Variants in NDP observed in about 807,000 individuals in gnomAD.
The protein encoded by NDP is norrin.
A neutral mutation model predicts 8.4 loss-of-function variants in NDP; 2 were observed. The ratio of observed to expected loss-of-function variants is 0.24; its 90% CI spans 0.10 to 0.75. The LOEUF (loss-of-function observed/expected upper bound fraction) is 0.75. NDP is among the 30% of genes least tolerant of loss of function. The pLI is 0.73. For missense variants in NDP, 81 were observed against 110.1 expected (o/e 0.74, Z 1.18); for synonymous variants, 55 against 45.6 (o/e 1.21, Z -0.83).
In NDP at chrX:43,949,979, G is replaced by A. The variant is rs1463589562; in HGVS notation, c.222C>T (p.Arg74=). The A allele has an allele frequency of 8.3e-7, 1 of 1,208,144 alleles. No individual in the cohort carries two copies. The highest frequency in any genetic ancestry group is 1.1e-6 in the Non-Finnish European group (1 of 893,795). The change falls in exon 3 of 3, where the codon CGC becomes CGT. Residue 74 remains arginine (R), a synonymous_variant. Coordinates refer to ENST00000642620, the MANE Select transcript of NDP (RefSeq NM_000266.4). ...RCEGHCSQAS[R]SEPLVSFSTV... is the part of the protein sequence containing the mutation. ...TGCTGAACGACACCAAAGGCTCGGA[G>A]CGTGACGCCTGGCTGCAGTGCCCCT...
chrX:43,953,779 C>T (rs1164656005), intron 2 of NDP, among the ~76,000 whole-genome samples: 1 of 112,997 alleles, frequency 8.8e-6, no homozygotes, highest in Non-Finnish European at 1.9e-5. Context: ...AAACCAAAGC[C>T]CTGACCTAAA....
intron 1 of NDP, among the ~76,000 whole-genome samples, chrX:43,970,384 G>T (rs930784958): frequency 1.9e-4 from 21 of 112,304 alleles, no homozygotes; most frequent in African/African-American, 6.8e-4. Context: ...CTCGAAGGCC[G>T]CTGGCCAAGA....
intron 2 of NDP, among the ~76,000 whole-genome samples, chrX:43,951,817 A>G (rs181313258): frequency 5.4e-4 from 60 of 112,002 alleles, no homozygotes; most frequent in Admixed American, 8.5e-4. Context: ...CTTAGGGAAG[A>G]ATAAGTTGGA....
Position 43,954,894 on chromosome X carries a change from C to T in NDP, c.174+3578G>A, listed in dbSNP as rs780469973. ...TGGCCTGGGGCCAGCATCCCCCACTCCTCACCCAACTGAGACTTTCCAGGT... is the reference window on the plus strand; with the variant it reads ...TGGCCTGGGGCCAGCATCCCCCACTTCTCACCCAACTGAGACTTTCCAGGT... On this transcript the variant is annotated intron_variant, in intron 2 of 2. Coordinates refer to ENST00000642620, the MANE Select transcript of NDP (RefSeq NM_000266.4). Among the ~76,000 whole-genome samples the T allele has an allele frequency of 9.0e-5, 10 of 111,515 alleles. No individual in the cohort carries two copies. The East Asian group carries it at 2.6e-3, about 28-fold the overall frequency.
chrX:43,958,347 C>A, intron 2 of NDP, 125 bp downstream of exon 2: 1 of 839,597 alleles, frequency 1.2e-6, no homozygotes, highest in Non-Finnish European at 1.8e-6. Flanking sequence ...TCCCACAAGC[C>A]CTGTGGGCCA....
intron 1 of NDP, among the ~76,000 whole-genome samples, chrX:43,967,466 G>A: frequency 9.0e-6 from 1 of 111,059 alleles, no homozygotes; most frequent in Non-Finnish European, 1.9e-5. Flanking sequence ...TCGAGTTGAA[G>A]ATAGGGGATG....
Position 43,949,277 on chromosome X carries a change from A to G in NDP, c.*522T>C, listed in dbSNP as rs778496777. 2.2e-4 allele frequency: 27 copies of G among 124,954 alleles called. No individual in the cohort carries two copies. The South Asian group carries it at 7.3e-3, about 34-fold the overall frequency. The allele number at this position is 124,954 out of a possible 1,213,427, so 10.3% of individuals were successfully genotyped here. A position where few individuals can be genotyped will look rare whatever the true frequency, so the allele number is the denominator to read the frequency against. On this transcript the variant is annotated 3_prime_UTR_variant, in exon 3 of 3. Transcript: ENST00000642620. ...CAGTTCGCTGGCTGTGAGTAAACGTAGCTAAACATATCCACATGCTTGGTA... is the reference window on the plus strand; with the variant it reads ...CAGTTCGCTGGCTGTGAGTAAACGTGGCTAAACATATCCACATGCTTGGTA...
In NDP at chrX:43,958,817, C is replaced by T. The variant is rs1165280065; in HGVS notation, c.-172G>A. The T allele has an allele frequency of 2.1e-6, 1 of 474,748 alleles. No individual in the cohort carries two copies. The highest frequency in any genetic ancestry group is 3.0e-5 in the Admixed American group (1 of 33,513). 39.1% of individuals were successfully genotyped at this position (474,748 alleles called of 1,213,427 possible). A position where few individuals can be genotyped will look rare whatever the true frequency, so the allele number is the denominator to read the frequency against. On this transcript the variant is annotated 5_prime_UTR_variant, in exon 2 of 3. Transcript: ENST00000642620. ...TGCTGGAGTTTTGTCTTACTCTTTG[C>T]ACTTGCAATCCATCATCACAGTATC...
At chrX:43,964,494 T>A (rs764296121) in intron 1 of NDP, among the ~76,000 whole-genome samples, 1 of 111,172 alleles carries the variant, frequency 9.0e-6, no homozygotes, top group East Asian at 2.8e-4. Context: ...TGAGCCTGAC[T>A]GAAGCTTAAA....
intron 2 of NDP, among the ~76,000 whole-genome samples, chrX:43,956,222 G>A (rs1217770625): frequency 9.0e-6 from 1 of 111,727 alleles, no homozygotes; most frequent in Non-Finnish European, 1.9e-5. Flanking sequence ...CCTGAGCCTG[G>A]GTCACATTCT....
chrX:43,954,035 T>C (rs1003127915), intron 2 of NDP, among the ~76,000 whole-genome samples: 8 of 112,402 alleles, frequency 7.1e-5, no homozygotes, highest in African/African-American at 2.6e-4. Flanking sequence ...GACCCACCTG[T>C]CCCACCCTAG....
intron 2 of NDP, 195 bp from the exon 3 acceptor site, chrX:43,950,221 T>C (rs1340296196): frequency 6.6e-6 from 3 of 452,170 alleles, no homozygotes; most frequent in Non-Finnish European, 1.2e-5. Context: ...TCCTTGGAGA[T>C]AGGGACCAGG....
intron 1 of NDP, among the ~76,000 whole-genome samples, chrX:43,962,015 T>C (rs1470527187): frequency 1.8e-5 from 2 of 112,210 alleles, no homozygotes; most frequent in African/African-American, 6.5e-5. Flanking sequence ...TCATCTGGCT[T>C]TCTCTTTAGA....
chrX:43,956,566 A>T (rs1366664421), intron 2 of NDP, among the ~76,000 whole-genome samples: 1 of 111,821 alleles, frequency 8.9e-6, no homozygotes. Flanking sequence ...AAATGAAAAC[A>T]GTTTTGCTCC....
chrX:43,969,385 G>A lies in NDP; in HGVS notation c.-208+3919C>T, dbSNP rs970095396. 4.5e-5 allele frequency: 5 copies of A among 111,908 alleles called. No homozygotes were observed. In the South Asian group the frequency reaches 1.1e-3, roughly 25 times the overall value. The allele number at this position is 111,908 out of a possible 1,213,427, so 9.2% of individuals were successfully genotyped here. A position where few individuals can be genotyped will look rare whatever the true frequency, so the allele number is the denominator to read the frequency against. On this transcript the variant is annotated intron_variant, in intron 1 of 2. Transcript: ENST00000642620. Reference sequence around the variant, plus strand: ...GGAAAGGGGGCAGGGAAGGGGCCAAGGATCCAGAGGGCTTTGTTTCAAGCC... The same window carrying A: ...GGAAAGGGGGCAGGGAAGGGGCCAAAGATCCAGAGGGCTTTGTTTCAAGCC...
intron 1 of NDP, among the ~76,000 whole-genome samples, chrX:43,963,099 G>C (rs192991163): frequency 2.7e-3 from 307 of 112,083 alleles, no homozygotes; most frequent in African/African-American, 9.5e-3. Context: ...GGCACAGGAG[G>C]GTGGTGCTTC....
Position 43,949,903 on chromosome X carries a change from T to A in NDP, c.298A>T (p.Thr100Ser). Residue 100 changes from threonine (T) to serine (S), a missense_variant, in exon 3 of 3, where the codon ACT (threonine) becomes TCT (serine). By Grantham distance (58) the Thr-to-Ser change is moderately conservative. Transcript: ENST00000642620. ...AGCCGCAGTGCCTTCAGCTTGGAAG[T>A]CTGGGGCCGGCAGCAGTGACAGGAG... Reference protein sequence around the residue: ...RSSCHCCRPQTSKLKALRLRC... With the variant: ...RSSCHCCRPQSSKLKALRLRC... 1 of 1,201,568 alleles carries A rather than the reference T, an allele frequency of 8.3e-7. No homozygotes were observed. Among genetic ancestry groups the A allele is most frequent in the Non-Finnish European group, 1.1e-6 (1 of 890,586 alleles).
chrX:43,962,250 T>G (rs2147210999), intron 1 of NDP, among the ~76,000 whole-genome samples: 1 of 110,392 alleles, frequency 9.1e-6, no homozygotes, highest in Non-Finnish European at 1.9e-5. Context: ...AAGGTAAGAT[T>G]CTGAAAACAT....
At chrX:43,951,979 T>C (rs2035765982) in intron 2 of NDP, among the ~76,000 whole-genome samples, 1 of 111,765 alleles carries the variant, frequency 8.9e-6, no homozygotes, top group Non-Finnish European at 1.9e-5. Context: ...TGATTGTTTG[T>C]TTGTTTTGTT....
Sources: allele counts gnomAD v4.1 joint callset (sites outside exome capture counted in the v4.1 genomes callset), GRCh38; gene constraint gnomAD v4.1.1; transcripts MANE v1.5; gene names NCBI Gene and HGNC (gene_info 2026-07-23, HGNC 2026-07-21).